Variants in CDKN2B-AS1 observed in about 807,000 individuals in gnomAD.
CDKN2B-AS1 encodes CDKN2B antisense RNA 1 (non-protein coding).
intron 1 of CDKN2B-AS1, among the ~76,000 whole-genome samples, chr9:22,010,294 A>C (rs1393833202): frequency 6.6e-6 from 1 of 152,184 alleles, no homozygotes; most frequent in African/African-American, 2.4e-5. Flanking sequence ...ATTACTTAAA[A>C]TATTTAAAAC....
rs142459906 is a variant in CDKN2B-AS1 at position 22,004,405 on chromosome 9, T to C, written n.29+9244T>C. ...TATACACTTTGTGTTTAATTTTCTA[T>C]GGCATAAGTAAGCAGTTTTTATGAA... On this transcript the variant is annotated intron_variant and non_coding_transcript_variant, in intron 1 of 4. Coordinates refer to ENST00000650946, the Ensembl canonical transcript of CDKN2B-AS1. 324 of 232,356 alleles carry C rather than the reference T, an allele frequency of 1.4e-3. 2 individuals carry two copies. Among genetic ancestry groups the C allele is most frequent in the African/African-American group, 6.5e-3 (296 of 45,448 alleles). 14.4% of individuals were successfully genotyped at this position (232,356 alleles called of 1,614,324 possible).
At chr9:22,077,941 A>G (rs905590825) in intron 4 of CDKN2B-AS1, 2 of 152,166 alleles carry the variant, frequency 1.3e-5, no homozygotes, top group African/African-American at 4.8e-5. Context: ...ATGATTCTCA[A>G]ATGCTTACCA....
intron 4 of CDKN2B-AS1, among the ~76,000 whole-genome samples, chr9:22,073,446 AT>A (rs1244544223): frequency 6.6e-6 from 1 of 152,190 alleles, no homozygotes; most frequent in Non-Finnish European, 1.5e-5. Context: ...AGCCATGTGT[AT>A]TTAATATACA....
At chr9:22,007,417 A>T (rs1456551417) in intron 1 of CDKN2B-AS1, among the ~76,000 whole-genome samples, 2 of 152,208 alleles carry the variant, frequency 1.3e-5, no homozygotes, top group Non-Finnish European at 2.9e-5. Context: ...GTCAATCAGG[A>T]TGATGCATAA....
In CDKN2B-AS1 at chr9:22,007,708, G is replaced by A. The variant is rs575720403; in HGVS notation, n.29+12547G>A. 2.0e-5 allele frequency among the ~76,000 whole-genome samples: 3 copies of A among 152,178 alleles called. No homozygotes were observed. The East Asian group carries it at 5.8e-4, about 29-fold the overall frequency. On this transcript the variant is annotated intron_variant and non_coding_transcript_variant, in intron 1 of 4. Transcript: ENST00000650946. ...GTGATAAGTTATATCTACTAGTGAT[G>A]TAAGGATATTTTACATAGAAAAAAA...
Position 22,070,248 on chromosome 9 carries a change from GTTAA to G in CDKN2B-AS1, n.438+13864_438+13867del, listed in dbSNP as rs1310544629. Among the ~76,000 whole-genome samples, 4 of 152,274 alleles carry G rather than the reference GTTAA, an allele frequency of 2.6e-5. No homozygotes were observed. In the East Asian group the frequency reaches 7.7e-4, roughly 29 times the overall value. On this transcript the variant is annotated intron_variant and non_coding_transcript_variant, in intron 4 of 4. Transcript: ENST00000650946. ...AGTTTGGAGGAATTAGAGTTAATTG[GTTAA>G]TTGATTGATTCGATTCAGTCAAATT...
intron 4 of CDKN2B-AS1, among the ~76,000 whole-genome samples, chr9:22,074,437 T>C (rs1364702529): frequency 6.6e-6 from 1 of 152,124 alleles, no homozygotes; most frequent in African/African-American, 2.4e-5. Flanking sequence ...GAAGAGGACA[T>C]AGGGGGATGT....
At chr9:22,008,916 C>T (rs2131190639) in intron 1 of CDKN2B-AS1, 1 of 1,612,898 alleles carries the variant, frequency 6.2e-7, no homozygotes, top group Non-Finnish European at 8.5e-7. Flanking sequence ...CTCATCGCTG[C>T]CGCCCCCACT....
At chr9:22,009,317 C>T (rs972068928) in intron 1 of CDKN2B-AS1, 20 of 418,356 alleles carry the variant, frequency 4.8e-5, no homozygotes, top group Middle Eastern at 6.3e-4. Context: ...GGGAGCCAGC[C>T]GGCAAAGAAT....
chr9:22,103,180 G>GTGTGTGT (rs1299495049), intron 4 of CDKN2B-AS1, among the ~76,000 whole-genome samples: 6 of 88,698 alleles, frequency 6.8e-5, no homozygotes, highest in African/African-American at 2.2e-4. Context: ...TGTGTGTGTG[G>GTGTGTGT]TGCGTGAAGA....
At chr9:22,124,647 T>A (rs1377792501) in intron 4 of CDKN2B-AS1, among the ~76,000 whole-genome samples, 1 of 152,254 alleles carries the variant, frequency 6.6e-6, no homozygotes, top group Admixed American at 6.5e-5. Context: ...TCTCTTGTTT[T>A]TCTAGTTGAG....
chr9:22,107,713 TG>T lies in CDKN2B-AS1; in HGVS notation n.439-19389del, dbSNP rs1563986166. 2.0e-5 allele frequency among the ~76,000 whole-genome samples: 3 copies of T among 152,294 alleles called. No homozygotes were observed. The South Asian group carries it at 6.2e-4, about 32-fold the overall frequency. ...ATTTTCTGGTCTTGTAGAGAATGAC[TG>T]ACTGGTCATTATAGTCTTCCAAAAG... is the stretch of plus-strand genomic sequence containing the variant. On this transcript the variant is annotated intron_variant and non_coding_transcript_variant, in intron 4 of 4. Transcript: ENST00000650946.
intron 1 of CDKN2B-AS1, among the ~76,000 whole-genome samples, chr9:22,021,589 C>A (rs1353760036): frequency 6.6e-6 from 1 of 152,094 alleles, no homozygotes; most frequent in Non-Finnish European, 1.5e-5. Context: ...TTTATGTTAT[C>A]TCTGATTTCC....
chr9:22,081,275 CT>C (rs36049201), intron 4 of CDKN2B-AS1, among the ~76,000 whole-genome samples: 66,400 of 124,388 alleles, frequency 0.53, 16,698 homozygotes, highest in East Asian at 0.67. Context: ...TGTTCTTTAG[CT>C]TTTTTTTTTT....
chr9:22,048,220 G>A (rs1823189648), intron 2 of CDKN2B-AS1, among the ~76,000 whole-genome samples: 1 of 152,100 alleles, frequency 6.6e-6, no homozygotes, highest in Non-Finnish European at 1.5e-5. Flanking sequence ...TAATCCCATT[G>A]CCCATGCACT....
intron 1 of CDKN2B-AS1, chr9:22,003,307 A>C (rs1563911045): frequency 9.1e-6 from 2 of 220,792 alleles, no homozygotes; most frequent in East Asian, 1.4e-4. Context: ...AACAAAAAAA[A>C]CAGTGTAATA....
intron 1 of CDKN2B-AS1, among the ~76,000 whole-genome samples, chr9:22,038,639 AT>A (rs1327457610): frequency 2.0e-5 from 3 of 151,918 alleles, no homozygotes; most frequent in African/African-American, 7.2e-5. Flanking sequence ...TTCTTTTTTA[AT>A]GTTTAAGAAA....
rs1433445045 is a variant in CDKN2B-AS1 at position 22,012,205 on chromosome 9, C to T, written n.29+17044C>T. 7.8e-6 allele frequency: 11 copies of T among 1,404,144 alleles called. No homozygotes were observed. The East Asian group carries it at 1.6e-4, about 20-fold the overall frequency. 87.0% of individuals were successfully genotyped at this position (1,404,144 alleles called of 1,614,324 possible). A position where few individuals can be genotyped will look rare whatever the true frequency, so the allele number is the denominator to read the frequency against. On this transcript the variant is annotated intron_variant and non_coding_transcript_variant, in intron 1 of 4. Transcript: ENST00000650946. ...CGGGCAAGACCATCACCCTTGAGGT[C>T]GAGCCCAGTGACACCATTGAGAATG...
At chr9:22,003,309 AGT>A (rs1821007087) in intron 1 of CDKN2B-AS1, 1 of 220,244 alleles carries the variant, frequency 4.5e-6, no homozygotes, top group African/African-American at 2.2e-5. Flanking sequence ...CAAAAAAAAC[AGT>A]GTAATATAGT....
Sources: allele counts gnomAD v4.1 joint callset (sites outside exome capture counted in the v4.1 genomes callset), GRCh38; gene constraint gnomAD v4.1.1; transcripts MANE v1.5; gene names NCBI Gene and HGNC (gene_info 2026-07-23, HGNC 2026-07-21).